UNC79: variants seen among roughly 807,000 people sequenced by gnomAD.
UNC79 encodes the protein protein unc-79 homolog.
Under a neutral mutation model 283.1 loss-of-function variants are expected in UNC79, and 37 were observed. The ratio of observed to expected loss-of-function variants is 0.13; its 90% confidence interval spans 0.10 to 0.17. The LOEUF (loss-of-function observed/expected upper bound fraction) is 0.17. Among genes scored for constraint, UNC79 ranks in the 10% least tolerant of loss-of-function variants. The pLI is 1.00. For missense variants in UNC79, 2,272 were observed against 3,211.1 expected, an observed-to-expected ratio of 0.71 and a Z score of 7.07; for synonymous variants, 1,107 against 1,200.2, an observed-to-expected ratio of 0.92 and a Z score of 1.61.
intron 4 of UNC79, among the ~76,000 whole-genome samples, chr14:93,480,969 G>A (rs2058100731): frequency 6.6e-6 from 1 of 152,142 alleles, no homozygotes; most frequent in Non-Finnish European, 1.5e-5. Context: ...GGTATAAAAT[G>A]ATTCTATCCT....
At chr14:93,574,987 G>T in intron 16 of UNC79, 71 bp from the exon 17 acceptor site, 1 of 1,528,622 alleles carries the variant, frequency 6.5e-7, no homozygotes, top group Non-Finnish European at 8.8e-7. Flanking sequence ...GAAAAAGAAG[G>T]TTAAATATAG....
At position 93,588,006 on chromosome 14, in the gene UNC79, A is replaced by G. The variant is rs114714352; in HGVS notation, c.3032+1098A>G. The stretch of plus-strand genomic sequence containing the variant: ...TAAAACCTGGGAATGTCAGGAGGAA[A>G]CAGATAGCAGAGTTGGAAAGAAGGG... On this transcript the variant is annotated intron_variant, in intron 22 of 48. Transcript: ENST00000555664. Among the ~76,000 whole-genome samples, 345 of 152,346 alleles carry G rather than the reference A, an allele frequency of 2.3e-3. 2 individuals carry two copies. The highest frequency in any genetic ancestry group is 7.8e-3 in the African/African-American group (326 of 41,584).
chr14:93,648,396 C>T lies in UNC79; in HGVS notation c.6083+1750C>T, dbSNP rs1217795420. ...GGAACCAGTTTGGAGACCATGTTAG[C>T]GGTGCAGGTGAGAGGTTAGTGGTTT... On this transcript the variant is annotated intron_variant, in intron 35 of 48. Transcript: ENST00000555664. 3.3e-5 allele frequency among the ~76,000 whole-genome samples: 5 copies of T among 152,040 alleles called. No individual in the cohort carries two copies. In the South Asian group the frequency reaches 8.3e-4, roughly 25 times the overall value.
chr14:93,620,445 T>A (rs1334501331), intron 29 of UNC79, among the ~76,000 whole-genome samples: 2 of 152,232 alleles, frequency 1.3e-5, no homozygotes, highest in African/African-American at 4.8e-5. Flanking sequence ...AAAGGCAGAT[T>A]TTTTTTTCTT....
At chr14:93,593,886 G>GC (rs1164563654) in intron 23 of UNC79, 49 bp downstream of exon 23, 42 of 1,509,484 alleles carry the variant, frequency 2.8e-5, no homozygotes, top group South Asian at 2.6e-4. Flanking sequence ...CAGTACACGG[G>GC]TGTCTGGTCA....
intron 14 of UNC79, among the ~76,000 whole-genome samples, chr14:93,561,249 GAGC>G (rs1026709491): frequency 1.3e-5 from 2 of 152,144 alleles, no homozygotes; most frequent in Admixed American, 1.3e-4. Context: ...ATACATAAAG[GAGC>G]AGCCACAGGA....
intron 26 of UNC79, among the ~76,000 whole-genome samples, chr14:93,608,291 A>G (rs1011204024): frequency 6.6e-6 from 1 of 152,220 alleles, no homozygotes; most frequent in Non-Finnish European, 1.5e-5. Context: ...GTAAACTCTC[A>G]TCTTGAGTGA....
chr14:93,624,539 G>A (rs532954960), intron 30 of UNC79, among the ~76,000 whole-genome samples: 7 of 152,156 alleles, frequency 4.6e-5, no homozygotes, highest in Non-Finnish European at 1.0e-4. Context: ...TAGCATGCAG[G>A]TTTGTGTGTG....
intron 2 of UNC79, among the ~76,000 whole-genome samples, chr14:93,473,656 A>G (rs1281376055): frequency 2.0e-5 from 3 of 152,176 alleles, no homozygotes; most frequent in Non-Finnish European, 2.9e-5. Context: ...GCAAGTTCCT[A>G]TTTACCTGAT....
intron 1 of UNC79, among the ~76,000 whole-genome samples, chr14:93,361,460 A>G (rs943265003): frequency 6.6e-6 from 1 of 150,876 alleles, no homozygotes; most frequent in Non-Finnish European, 1.5e-5. Context: ...GCATTGTTCC[A>G]TGTTTGAACT....
chr14:93,584,742 G>A (rs1391347839), intron 20 of UNC79, among the ~76,000 whole-genome samples: 1 of 152,014 alleles, frequency 6.6e-6, no homozygotes, highest in African/African-American at 2.4e-5. Context: ...TGTTGCCCAG[G>A]CTGGAGTGCA....
In UNC79 at chr14:93,469,618, T is replaced by G. The variant is rs182933027; in HGVS notation, c.143+1827T>G. On this transcript the variant is annotated intron_variant, in intron 2 of 48. Transcript: ENST00000555664. ...TTTTCAGAATTTAAGTGAATTTAAG[T>G]GGAGATAATGTTAGCAACCAGAAGT... 3.3e-5 allele frequency among the ~76,000 whole-genome samples: 5 copies of G among 152,104 alleles called. No homozygotes were observed. The East Asian group carries it at 7.7e-4, about 23-fold the overall frequency.
At chr14:93,622,113 C>A in exon 30 of UNC79, 1 of 1,614,170 alleles carries the variant, frequency 6.2e-7, no homozygotes, top group Non-Finnish European at 8.5e-7. Flanking sequence ...CTCTCAACCT[C>A]CGACAGCGAC....
At chr14:93,478,389 GA>G (rs1233882375) in intron 4 of UNC79, among the ~76,000 whole-genome samples, 3 of 151,962 alleles carry the variant, frequency 2.0e-5, no homozygotes, top group African/African-American at 7.3e-5. Context: ...CGCACAAAGA[GA>G]AAAAAATATT....
chr14:93,662,605 G>A lies in UNC79; in HGVS notation c.6527G>A (p.Ser2176Asn), dbSNP rs1383553691. The change falls in exon 40 of 49, where the codon AGT becomes AAT. Residue 2176 changes from serine (S) to asparagine (N), a missense_variant and splice_region_variant. By Grantham distance (46) the Ser-to-Asn change is conservative. Around this residue, in one of 11 missense-constraint regions of UNC79, gnomAD observed 287 missense variants for 446.4 expected, o/e 0.64. Coordinates refer to ENST00000555664, the Ensembl canonical transcript of UNC79. Reference sequence around the variant, plus strand: ...TATTTGGCCCCAATCTCATTGCAGAGTTTGTTGGAACCATTTTCAAAACTG... The same window carrying A: ...TATTTGGCCCCAATCTCATTGCAGAATTTGTTGGAACCATTTTCAAAACTG... The A allele has an allele frequency of 3.7e-6, 6 of 1,603,978 alleles. No individual in the cohort carries two copies. The East Asian group carries it at 1.1e-4, about 30-fold the overall frequency.
At chr14:93,646,779 G>T in intron 35 of UNC79, 133 bp downstream of exon 38, 1 of 891,886 alleles carries the variant, frequency 1.1e-6, no homozygotes. Flanking sequence ...GGAGGCCAGG[G>T]TGGGAGGATC....
intron 1 of UNC79, among the ~76,000 whole-genome samples, chr14:93,457,002 A>G (rs921777688): frequency 1.3e-5 from 2 of 152,204 alleles, no homozygotes; most frequent in African/African-American, 4.8e-5. Context: ...AAAGTGATAC[A>G]AGTAGTTCTT....
chr14:93,357,683 A>T (rs1338429217), intron 1 of UNC79, among the ~76,000 whole-genome samples: 2 of 69,702 alleles, frequency 2.9e-5, no homozygotes, highest in Non-Finnish European at 5.3e-5. Context: ...TCCCATATAT[A>T]TATATATATA....
At chr14:93,581,171 A>G (rs1220783360) in intron 19 of UNC79, among the ~76,000 whole-genome samples, 1 of 151,928 alleles carries the variant, frequency 6.6e-6, no homozygotes, top group Admixed American at 6.6e-5. Context: ...TTTTAAAAAA[A>G]TTATTTATTA....
Sources: gnomAD v4.1 joint callset for allele counts (sites outside exome capture counted in the v4.1 genomes callset) on GRCh38, gnomAD v4.1.1 for gene constraint, gnomAD v4.1.1 regional missense constraint, MANE v1.5 for transcripts, NCBI Gene and HGNC (gene_info 2026-07-23, HGNC 2026-07-21) for gene names.